Variants in POU2F2 observed in about 807,000 individuals in gnomAD.
POU2F2 encodes the protein POU domain, class 2, transcription factor 2.
POU2F2 carries 14 observed loss-of-function variants against 63.5 expected under a neutral mutation model. The observed-to-expected ratio is 0.22, with a 90% CI of 0.15 to 0.34. The LOEUF is 0.34. Ranked by LOEUF, POU2F2 falls within the 10% of genes least tolerant of loss-of-function variation. The pLI, the probability that POU2F2 is intolerant of heterozygous loss-of-function variation, is 1.00. For missense variants in POU2F2, 607 were observed against 815.2 expected, an observed-to-expected ratio of 0.74 and a Z score of 3.11; for synonymous variants, 306 against 348.6, an observed-to-expected ratio of 0.88 and a Z score of 1.36.
exon 1 of POU2F2, chr19:42,196,455 A>G: frequency 6.6e-6 from 1 of 152,414 alleles, no homozygotes; most frequent in Non-Finnish European, 1.5e-5. Flanking sequence ...GAAAAATTCC[A>G]GCAAAGGCTG....
At chr19:42,129,083 T>C (rs1022443108) in intron 1 of POU2F2, among the ~76,000 whole-genome samples, 1 of 152,084 alleles carries the variant, frequency 6.6e-6, no homozygotes, top group Non-Finnish European at 1.5e-5. Context: ...TCCGCCCACC[T>C]CAGCATTCCA....
intron 1 of POU2F2, among the ~76,000 whole-genome samples, chr19:42,123,831 C>T (rs1370771177): frequency 1.3e-5 from 2 of 152,086 alleles, no homozygotes; most frequent in African/African-American, 4.8e-5. Flanking sequence ...ACCTTGAATC[C>T]CAAGTTGTGC....
In POU2F2 at chr19:42,096,072, G is replaced by GCCT; in HGVS notation, c.729+7_729+9dup. The GCCT allele has an allele frequency of 6.2e-7, 1 of 1,613,146 alleles. No homozygotes were observed. Among genetic ancestry groups the GCCT allele is most frequent in the East Asian group, 2.2e-5 (1 of 44,852 alleles). On this transcript the variant is annotated intron_variant, in intron 8 of 14. Coordinates refer to ENST00000692977, the MANE Select transcript of POU2F2 (RefSeq NM_001394376.1). The surrounding 1 kb of genome is among the most constrained non-coding windows in gnomAD (Gnocchi z 4.1). Reference sequence around the variant, plus strand: ...ACGCCCACCGCCCAGCCTGCAAGGTGCCTCCAGACCTGCGTGAAGCCCAGC... The same window carrying GCCT: ...ACGCCCACCGCCCAGCCTGCAAGGTGCCTCCTCCAGACCTGCGTGAAGCCCAGC...
intron 1 of POU2F2, among the ~76,000 whole-genome samples, chr19:42,187,930 C>T (rs993510236): frequency 1.3e-5 from 2 of 151,962 alleles, no homozygotes; most frequent in Admixed American, 1.3e-4. Context: ...ATACTCATGT[C>T]CTCGTGTGGT....
chr19:42,147,767 G>GA (rs1421695994), intron 2 of POU2F2, among the ~76,000 whole-genome samples: 1 of 152,298 alleles, frequency 6.6e-6, no homozygotes, highest in Non-Finnish European at 1.5e-5. Context: ...AGTGCGTTGG[G>GA]AAAAAATCCT....
intron 7 of POU2F2, among the ~76,000 whole-genome samples, chr19:42,097,290 T>C (rs957457150): frequency 6.7e-6 from 1 of 150,190 alleles, no homozygotes; most frequent in Non-Finnish European, 1.5e-5. Flanking sequence ...CTCTGCCTCC[T>C]GGGTTCAAGT....
At chr19:42,184,320 G>C (rs2034992437) in intron 1 of POU2F2, among the ~76,000 whole-genome samples, 1 of 152,110 alleles carries the variant, frequency 6.6e-6, no homozygotes, top group African/African-American at 2.4e-5. Context: ...TTGGCCTCCT[G>C]TCTGCCCCAC....
chr19:42,104,877 G>A (rs1219005546), intron 5 of POU2F2, among the ~76,000 whole-genome samples: 3 of 152,082 alleles, frequency 2.0e-5, no homozygotes, highest in Non-Finnish European at 4.4e-5. Flanking sequence ...ACCCCCTGGG[G>A]GTGCCTCTGC....
At position 42,088,682 on chromosome 19, in the gene POU2F2, C is replaced by G. The variant is rs1189475500; in HGVS notation, c.*2575G>C. 3 of 152,580 alleles carry G rather than the reference C, an allele frequency of 2.0e-5. No individual in the cohort carries two copies. Among genetic ancestry groups the G allele is most frequent in the African/African-American group, 7.2e-5 (3 of 41,434 alleles). The allele number at this position is 152,580 out of a possible 1,614,324, so 9.5% of individuals were successfully genotyped here. On this transcript the variant is annotated 3_prime_UTR_variant, in exon 15 of 15. Coordinates refer to ENST00000692977, the MANE Select transcript of POU2F2 (RefSeq NM_001394376.1). ...CCTTGGCCCCCTCTCCACCCTTGGG[C>G]TGGGGCCCAAGCCCTCTTGCCAGTC...
chr19:42,147,163 T>G (rs961293258), intron 2 of POU2F2, among the ~76,000 whole-genome samples: 4 of 152,140 alleles, frequency 2.6e-5, no homozygotes, highest in Non-Finnish European at 4.4e-5. Flanking sequence ...ACCCAACCTA[T>G]AAAGTCCTAT....
At chr19:42,164,740 T>C (rs533706676) in intron 1 of POU2F2, among the ~76,000 whole-genome samples, 10 of 151,640 alleles carry the variant, frequency 6.6e-5, no homozygotes, top group Non-Finnish European at 1.2e-4. Context: ...GGTGGGCGGA[T>C]CCCTTGAGCC....
At chr19:42,154,943 A>T (rs1000312748) in intron 2 of POU2F2, among the ~76,000 whole-genome samples, 1 of 152,184 alleles carries the variant, frequency 6.6e-6, no homozygotes, top group Non-Finnish European at 1.5e-5. Flanking sequence ...GGACCTGATC[A>T]CATGGGTAGG....
upstream of POU2F2, among the ~76,000 whole-genome samples, chr19:42,180,989 T>C (rs2034954022): frequency 6.6e-6 from 1 of 152,182 alleles, no homozygotes. Context: ...TGATATGTGC[T>C]AAGTCCATAT....
At chr19:42,161,743 G>T (rs1225988334) in intron 1 of POU2F2, among the ~76,000 whole-genome samples, 2 of 152,116 alleles carry the variant, frequency 1.3e-5, no homozygotes, top group African/African-American at 4.8e-5. Flanking sequence ...CTCTCCCTGG[G>T]CCTTCATCTT....
chr19:42,130,550 G>A (rs1421893008), intron 1 of POU2F2, among the ~76,000 whole-genome samples: 2 of 151,998 alleles, frequency 1.3e-5, no homozygotes, highest in Non-Finnish European at 2.9e-5. Flanking sequence ...GCACCTCTGA[G>A]GTCCCCATTT....
At chr19:42,151,169 CG>C (rs1020000831) in intron 2 of POU2F2, among the ~76,000 whole-genome samples, 3 of 152,116 alleles carry the variant, frequency 2.0e-5, no homozygotes, top group Non-Finnish European at 4.4e-5. Context: ...GGGGAGAGGT[CG>C]GGGGTCAGGC....
intron 2 of POU2F2, among the ~76,000 whole-genome samples, chr19:42,146,767 A>G (rs542155119): frequency 2.0e-5 from 3 of 152,346 alleles, no homozygotes; most frequent in Admixed American, 6.5e-5. Flanking sequence ...CAACCCAGGC[A>G]TCTGCCTCAT....
upstream of POU2F2, among the ~76,000 whole-genome samples, chr19:42,180,620 C>A (rs545105209): frequency 1.2e-4 from 18 of 152,260 alleles, no homozygotes; most frequent in African/African-American, 4.1e-4. Flanking sequence ...AGGACCAGTA[C>A]ATGGGTGGGG....
intron 1 of POU2F2, among the ~76,000 whole-genome samples, chr19:42,164,971 C>A (rs1306582741): frequency 6.6e-6 from 1 of 151,310 alleles, no homozygotes; most frequent in Non-Finnish European, 1.5e-5. Flanking sequence ...AAAAAAAAGA[C>A]AGATAGCAAA....
Sources: allele counts gnomAD v4.1 joint callset (sites outside exome capture counted in the v4.1 genomes callset), GRCh38; gene constraint gnomAD v4.1.1; non-coding constraint Gnocchi (gnomAD v3.1); transcripts MANE v1.5; gene names NCBI Gene and HGNC (gene_info 2026-07-23, HGNC 2026-07-21).